The following FCHSD2 variants were observed in gnomAD, a reference collection of about 807,000 sequenced individuals.
FCHSD2 encodes the protein FCH and double SH3 domains 2.
In FCHSD2, 38 loss-of-function variants were observed where a neutral mutation model predicts 108.1. The ratio of observed to expected loss-of-function variants is 0.35; its 90% CI spans 0.27 to 0.46. The LOEUF (loss-of-function observed/expected upper bound fraction) is 0.46. FCHSD2 is among the 20% of genes least tolerant of loss of function. The probability of loss-of-function intolerance (pLI) is 1.00; values close to 1 mark genes in which losing one functional copy is unlikely to be tolerated. For synonymous variants in FCHSD2, 279 were observed against 314.7 expected, an observed-to-expected ratio of 0.89 and a Z score of 1.20; for missense variants, 751 against 897.8, an observed-to-expected ratio of 0.84 and a Z score of 2.09.
intron 3 of FCHSD2, chr11:73,077,759 GA>G (rs1859591853): frequency 3.4e-6 from 1 of 296,514 alleles, no homozygotes; most frequent in Non-Finnish European, 6.6e-6. Flanking sequence ...AGCCAGCTGG[GA>G]GAGAGGGATT....
chr11:72,991,787 A>G (rs912326056), intron 5 of FCHSD2, among the ~76,000 whole-genome samples: 7 of 152,186 alleles, frequency 4.6e-5, no homozygotes, highest in Admixed American at 2.6e-4. Context: ...ATCTATGACA[A>G]ACTCACAGCC....
intron 12 of FCHSD2, among the ~76,000 whole-genome samples, chr11:72,873,251 C>A (rs1308795240): frequency 2.6e-5 from 4 of 151,958 alleles, no homozygotes; most frequent in African/African-American, 7.3e-5. Context: ...ATCGCTTGAA[C>A]CTGGGAGGTG....
intron 8 of FCHSD2, among the ~76,000 whole-genome samples, chr11:72,959,034 T>C (rs539095837): frequency 3.3e-5 from 5 of 151,194 alleles, no homozygotes; most frequent in East Asian, 3.9e-4. Context: ...TGTACATCCA[T>C]GCGTGCATGG....
intron 2 of FCHSD2, among the ~76,000 whole-genome samples, chr11:73,129,215 T>A (rs1006280179): frequency 2.0e-5 from 3 of 152,152 alleles, no homozygotes; most frequent in Non-Finnish European, 4.4e-5. Context: ...ACAAAACAAA[T>A]TACAGCTGGG....
chr11:73,032,706 A>G (rs972528018), intron 3 of FCHSD2, among the ~76,000 whole-genome samples: 2 of 152,096 alleles, frequency 1.3e-5, no homozygotes, highest in Non-Finnish European at 2.9e-5. Flanking sequence ...GGCTTCCCCA[A>G]AGGAAATGAA....
intron 8 of FCHSD2, among the ~76,000 whole-genome samples, chr11:72,962,122 T>C (rs1856828472): frequency 6.6e-6 from 1 of 152,222 alleles, no homozygotes; most frequent in Non-Finnish European, 1.5e-5. Context: ...TGGCAGAGGT[T>C]CTCAAGGTAA....
chr11:73,115,448 G>A (rs1042776185), intron 2 of FCHSD2, among the ~76,000 whole-genome samples: 11 of 152,138 alleles, frequency 7.2e-5, no homozygotes, highest in Non-Finnish European at 1.0e-4. Context: ...GAGCCACTGC[G>A]CCCGCCCTAT....
intron 9 of FCHSD2, among the ~76,000 whole-genome samples, chr11:72,910,976 T>C (rs1054896285): frequency 2.6e-5 from 4 of 152,212 alleles, no homozygotes. Context: ...TTTCCTTTGC[T>C]GTGCAGAAAC....
At chr11:72,925,547 T>C (rs1342596589) in intron 8 of FCHSD2, among the ~76,000 whole-genome samples, 3 of 151,588 alleles carry the variant, frequency 2.0e-5, no homozygotes, top group Non-Finnish European at 4.4e-5. Context: ...AACAAACAAA[T>C]AAATTTCTAA....
At chr11:72,855,780 A>G (rs1215708071) in intron 13 of FCHSD2, among the ~76,000 whole-genome samples, 4 of 152,214 alleles carry the variant, frequency 2.6e-5, no homozygotes, top group African/African-American at 9.6e-5. Context: ...GATATAGTGA[A>G]TATAAATAAT....
intron 8 of FCHSD2, among the ~76,000 whole-genome samples, chr11:72,954,044 A>C (rs1856665320): frequency 6.6e-6 from 1 of 152,146 alleles, no homozygotes; most frequent in South Asian, 2.1e-4. Flanking sequence ...AATCTGACTT[A>C]GGTTATAAAA....
intron 2 of FCHSD2, among the ~76,000 whole-genome samples, chr11:73,087,690 G>A (rs1859854622): frequency 6.6e-6 from 1 of 150,940 alleles, no homozygotes; most frequent in Admixed American, 6.6e-5. Flanking sequence ...GGGCAACAGA[G>A]CGAGGCTTTG....
chr11:73,089,431 G>A (rs562132699), intron 2 of FCHSD2, among the ~76,000 whole-genome samples: 2 of 152,162 alleles, frequency 1.3e-5, no homozygotes, highest in Non-Finnish European at 2.9e-5. Context: ...CTATTCCTAG[G>A]TGTATATCCA....
At chr11:72,946,584 A>G (rs1235078559) in intron 8 of FCHSD2, among the ~76,000 whole-genome samples, 1 of 152,168 alleles carries the variant, frequency 6.6e-6, no homozygotes, top group African/African-American at 2.4e-5. Context: ...AATAATTACA[A>G]TGCTCAAAAT....
chr11:73,124,496 C>A (rs1591573705), intron 2 of FCHSD2, among the ~76,000 whole-genome samples: 1 of 152,138 alleles, frequency 6.6e-6, no homozygotes, highest in East Asian at 1.9e-4. Context: ...TGGCTCACAC[C>A]TGTAATCCCA....
rs376421601 is a variant in FCHSD2 at position 73,080,960 on chromosome 11, AAAAAT to A, written c.165+2730_165+2734del. ...CAAGACTCTGTCTCAAAAAAACAACAAAAATAAAATAAAATAAAATAAAATAAAGA... is the reference window on the plus strand; with the variant it reads ...CAAGACTCTGTCTCAAAAAAACAACAAAAATAAAATAAAATAAAATAAAGA... On this transcript the variant is annotated intron_variant, in intron 3 of 19. Coordinates refer to ENST00000409418, the MANE Select transcript of FCHSD2 (RefSeq NM_014824.3). 3.9e-3 allele frequency among the ~76,000 whole-genome samples: 593 copies of A among 151,980 alleles called. 3 individuals are homozygous for A. The highest frequency in any genetic ancestry group is 0.013 in the African/African-American group (554 of 41,388).
chr11:73,084,487 C>CCCA (rs1285284283), intron 2 of FCHSD2, among the ~76,000 whole-genome samples: 5 of 152,124 alleles, frequency 3.3e-5, no homozygotes, highest in Non-Finnish European at 7.4e-5. Flanking sequence ...AATTCCTGGG[C>CCCA]TCAAGAGATC....
At chr11:72,915,860 T>C (rs184719227) in intron 9 of FCHSD2, among the ~76,000 whole-genome samples, 5 of 152,082 alleles carry the variant, frequency 3.3e-5, no homozygotes, top group Admixed American at 6.6e-5. Flanking sequence ...ATGTGGTACA[T>C]ATACACCACA....
At chr11:73,054,761 G>C (rs1260645425) in intron 3 of FCHSD2, among the ~76,000 whole-genome samples, 1 of 151,994 alleles carries the variant, frequency 6.6e-6, no homozygotes, top group Non-Finnish European at 1.5e-5. Flanking sequence ...CTGCAGCCTT[G>C]ACCTCCTGGT....
Sources: allele counts gnomAD v4.1 joint callset (sites outside exome capture counted in the v4.1 genomes callset), GRCh38; gene constraint gnomAD v4.1.1; transcripts MANE v1.5; gene names NCBI Gene and HGNC (gene_info 2026-07-23, HGNC 2026-07-21).